NRXN3: variants seen among roughly 807,000 people sequenced by gnomAD.
NRXN3 encodes the protein neurexin 3.
Under a neutral mutation model 137.6 loss-of-function variants are expected in NRXN3, and 32 were observed. The ratio of observed to expected loss-of-function variants is 0.23; its 90% CI spans 0.18 to 0.31. The LOEUF is 0.31. Among genes scored for constraint, NRXN3 ranks in the 10% least tolerant of loss-of-function variants. The pLI is 1.00. For missense variants in NRXN3, 1,574 were observed against 2,062.5 expected, an observed-to-expected ratio of 0.76 and a Z score of 4.59; for synonymous variants, 798 against 784.5, an observed-to-expected ratio of 1.02 and a Z score of -0.29.
chr14:78,943,662 ATATATATATATATATATC>A (rs2152922642), intron 10 of NRXN3, among the ~76,000 whole-genome samples: 2 of 94,312 alleles, frequency 2.1e-5, no homozygotes, highest in African/African-American at 4.4e-5. Context: ...ATATATATAT[ATATATATATATATATATC>A]TCAAAGAATC....
chr14:79,340,715 C>T (rs544767588), intron 15 of NRXN3, among the ~76,000 whole-genome samples: 3 of 152,314 alleles, frequency 2.0e-5, no homozygotes, highest in East Asian at 1.9e-4. Flanking sequence ...CCGCCCACCT[C>T]GGCCTCCCAA....
At position 79,561,567 on chromosome 14, in the gene NRXN3, T is replaced by C. The variant is rs76310268; in HGVS notation, c.3444+94165T>C. 5.9e-4 allele frequency among the ~76,000 whole-genome samples: 90 copies of C among 152,300 alleles called. No individual in the cohort carries two copies. The East Asian group carries it at 0.015, about 26-fold the overall frequency. ...GCTATGTAATTTGATTCAAGTATGA[T>C]AGAATTTCTCCTTAGTTATACACAT... On this transcript the variant is annotated intron_variant, in intron 16 of 20. Coordinates refer to ENST00000335750, the MANE Select transcript of NRXN3 (RefSeq NM_001330195.2).
At chr14:79,815,178 T>G (rs1432998246) in intron 20 of NRXN3, among the ~76,000 whole-genome samples, 1 of 152,202 alleles carries the variant, frequency 6.6e-6, no homozygotes, top group East Asian at 1.9e-4. Context: ...ACTCTACCTG[T>G]GATTATCCAG....
chr14:79,110,874 T>C (rs1596063055), intron 15 of NRXN3, among the ~76,000 whole-genome samples: 1 of 152,146 alleles, frequency 6.6e-6, no homozygotes, highest in Non-Finnish European at 1.5e-5. Context: ...CACTGCAAAC[T>C]GCACCTCCCA....
chr14:78,724,224 G>A (rs536888580), intron 8 of NRXN3, among the ~76,000 whole-genome samples: 3 of 152,306 alleles, frequency 2.0e-5, no homozygotes, highest in African/African-American at 7.2e-5. Context: ...TATTACGTAT[G>A]TGTCTGTGCC....
intron 15 of NRXN3, among the ~76,000 whole-genome samples, chr14:79,173,776 A>G (rs903064222): frequency 9.2e-5 from 14 of 152,236 alleles, no homozygotes; most frequent in Middle Eastern, 3.4e-3. Flanking sequence ...AACTGAGCTC[A>G]TTCTACCTGT....
intron 20 of NRXN3, among the ~76,000 whole-genome samples, chr14:79,857,367 G>A (rs1603620233): frequency 6.6e-6 from 1 of 152,084 alleles, no homozygotes; most frequent in South Asian, 2.1e-4. Flanking sequence ...GACTACAGGT[G>A]CCAGCCACTA....
intron 15 of NRXN3, among the ~76,000 whole-genome samples, chr14:79,039,240 A>G (rs928985426): frequency 6.6e-6 from 1 of 152,022 alleles, no homozygotes; most frequent in African/African-American, 2.4e-5. Flanking sequence ...ATCAACTTCA[A>G]CTGACTGTGA....
chr14:79,173,559 A>G (rs535664086), intron 15 of NRXN3, among the ~76,000 whole-genome samples: 1 of 151,254 alleles, frequency 6.6e-6, no homozygotes, highest in South Asian at 2.1e-4. Context: ...AAAAATTACA[A>G]TAAAAGATAT....
intron 4 of NRXN3, among the ~76,000 whole-genome samples, chr14:78,306,957 T>C (rs2077427714): frequency 6.6e-6 from 1 of 152,104 alleles, no homozygotes; most frequent in South Asian, 2.1e-4. Context: ...CTTAAATGCA[T>C]TGTTTTTAAT....
At chr14:79,693,154 C>T (rs1264025976) in intron 18 of NRXN3, among the ~76,000 whole-genome samples, 1 of 151,956 alleles carries the variant, frequency 6.6e-6, no homozygotes, top group African/African-American at 2.4e-5. Context: ...GAAAAACAGT[C>T]TCTAAGAAGA....
chr14:79,398,394 A>G (rs139324454), intron 15 of NRXN3, among the ~76,000 whole-genome samples: 1 of 152,204 alleles, frequency 6.6e-6, no homozygotes, highest in Admixed American at 6.5e-5. Context: ...AAATTGTTTC[A>G]AAAATGAAAC....
chr14:78,835,516 G>A (rs906922294), intron 10 of NRXN3, among the ~76,000 whole-genome samples: 1 of 152,152 alleles, frequency 6.6e-6, no homozygotes, highest in Non-Finnish European at 1.5e-5. Flanking sequence ...TATGCTCTGG[G>A]CACTTGGCAT....
intron 10 of NRXN3, among the ~76,000 whole-genome samples, chr14:78,888,848 T>TACACACACATAC (rs138583318): frequency 3.4e-5 from 5 of 146,318 alleles, no homozygotes; most frequent in African/African-American, 1.3e-4. Flanking sequence ...ATCACACACA[T>TACACACACATAC]ACACACACAC....
chr14:79,663,489 A>G (rs942850589), intron 16 of NRXN3, among the ~76,000 whole-genome samples: 2 of 152,084 alleles, frequency 1.3e-5, no homozygotes, highest in East Asian at 1.9e-4. Context: ...TTGCATTGTC[A>G]TTGCATAGCT....
Position 78,466,485 on chromosome 14 carries a change from A to C in NRXN3, c.757+168625A>C, listed in dbSNP as rs189341932. ...GAAGGGATGGAAATGAATGTTGAGA[A>C]GTGAGCTATCTGAAATTGCTGGACT... On this transcript the variant is annotated intron_variant, in intron 4 of 20. Coordinates refer to ENST00000335750, the MANE Select transcript of NRXN3 (RefSeq NM_001330195.2). Among the ~76,000 whole-genome samples, 5 of 152,326 alleles carry C rather than the reference A, an allele frequency of 3.3e-5. 1 individual carries two copies. The highest frequency in any genetic ancestry group is 7.4e-5 in the Non-Finnish European group (5 of 68,024).
intron 19 of NRXN3, among the ~76,000 whole-genome samples, chr14:79,727,994 G>A (rs546596445): frequency 6.6e-6 from 1 of 152,282 alleles, no homozygotes; most frequent in East Asian, 1.9e-4. Context: ...GGCAGTAAAA[G>A]TGGACTATTA....
Position 79,821,435 on chromosome 14 carries a change from C to T in NRXN3, c.4093+16245C>T, listed in dbSNP as rs1045669216. On this transcript the variant is annotated intron_variant, in intron 20 of 20. Coordinates refer to ENST00000335750, the MANE Select transcript of NRXN3 (RefSeq NM_001330195.2). The stretch of plus-strand genomic sequence containing the variant: ...AAGAGAACATGCCCTCATTTAAAGG[C>T]ATCCAAATGAAACATTTTAAAAACA... Among the ~76,000 whole-genome samples the T allele has an allele frequency of 2.6e-5, 4 of 152,280 alleles. No homozygotes were observed. The East Asian group carries it at 7.7e-4, about 29-fold the overall frequency.
chr14:78,397,191 T>C (rs2091548411), intron 4 of NRXN3, among the ~76,000 whole-genome samples: 1 of 152,186 alleles, frequency 6.6e-6, no homozygotes, highest in African/African-American at 2.4e-5. Context: ...TCTTGAGTCA[T>C]TTAGTTTGAT....
Sources: allele counts gnomAD v4.1 joint callset (sites outside exome capture counted in the v4.1 genomes callset), GRCh38; gene constraint gnomAD v4.1.1; transcripts MANE v1.5; gene names NCBI Gene and HGNC (gene_info 2026-07-23, HGNC 2026-07-21).